Variants in AGBL4 observed in about 807,000 individuals in gnomAD.
AGBL4 encodes the protein cytosolic carboxypeptidase 6.
In AGBL4, 58 loss-of-function variants were observed where a neutral mutation model predicts 66.4. That is an observed-to-expected ratio of 0.87 (90% CI 0.71 to 1.09). AGBL4 has a LOEUF of 1.09. Ranked by LOEUF, AGBL4 falls within the 50% of genes least tolerant of loss-of-function variation. The pLI, the probability that AGBL4 is intolerant of heterozygous loss-of-function variation, is 0.00. For missense variants in AGBL4, 579 were observed against 631.0 expected, an observed-to-expected ratio of 0.92 and a Z score of 0.88; for synonymous variants, 234 against 222.9, an observed-to-expected ratio of 1.05 and a Z score of -0.44.
At chr1:49,523,762 G>C (rs1397600737) in intron 3 of AGBL4, among the ~76,000 whole-genome samples, 2 of 152,058 alleles carry the variant, frequency 1.3e-5, no homozygotes, top group Non-Finnish European at 2.9e-5. Flanking sequence ...CAACCACACA[G>C]TGTTACGCAC....
chr1:49,431,017 AATTT>A (rs1645774434), intron 3 of AGBL4, among the ~76,000 whole-genome samples: 1 of 152,176 alleles, frequency 6.6e-6, no homozygotes, highest in African/African-American at 2.4e-5. Flanking sequence ...AATATAACAT[AATTT>A]ATTTATCCGT....
At chr1:49,466,173 G>T (rs1223974766) in intron 3 of AGBL4, among the ~76,000 whole-genome samples, 1 of 151,840 alleles carries the variant, frequency 6.6e-6, no homozygotes, top group African/African-American at 2.4e-5. Flanking sequence ...TTCCTCACGG[G>T]TTTGGCCTTC....
chr1:49,488,208 C>T (rs553684608), intron 3 of AGBL4, among the ~76,000 whole-genome samples: 2 of 151,690 alleles, frequency 1.3e-5, no homozygotes, highest in South Asian at 2.1e-4. Flanking sequence ...GTATAATCAC[C>T]TCTCCCCAGA....
At chr1:48,572,920 G>C (rs1644591563) in intron 11 of AGBL4, among the ~76,000 whole-genome samples, 1 of 152,220 alleles carries the variant, frequency 6.6e-6, no homozygotes, top group African/African-American at 2.4e-5. Flanking sequence ...GAAGGAGCTG[G>C]AGAGAGTCCA....
At chr1:49,619,714 C>G in intron 3 of AGBL4, among the ~76,000 whole-genome samples, 1 of 152,102 alleles carries the variant, frequency 6.6e-6, no homozygotes, top group East Asian at 1.9e-4. Flanking sequence ...TACCTGACTT[C>G]AAACTATATT....
At chr1:49,290,992 A>G (rs1644522206) in intron 3 of AGBL4, among the ~76,000 whole-genome samples, 1 of 152,148 alleles carries the variant, frequency 6.6e-6, no homozygotes, top group Admixed American at 6.5e-5. Context: ...TGGGCAACAG[A>G]GCGAGGAAAA....
chr1:49,636,313 T>C (rs1003014657), intron 3 of AGBL4, among the ~76,000 whole-genome samples: 1 of 152,188 alleles, frequency 6.6e-6, no homozygotes, highest in Non-Finnish European at 1.5e-5. Flanking sequence ...TTTTGCTGTG[T>C]TCTTACATGG....
At chr1:49,840,487 G>A (rs1026417164) in intron 2 of AGBL4, among the ~76,000 whole-genome samples, 1 of 152,056 alleles carries the variant, frequency 6.6e-6, no homozygotes, top group East Asian at 1.9e-4. Context: ...CCAAAAAACT[G>A]AGAAGGAGGG....
At chr1:49,260,485 G>T (rs1409406132) in intron 3 of AGBL4, among the ~76,000 whole-genome samples, 1 of 151,916 alleles carries the variant, frequency 6.6e-6, no homozygotes, top group Admixed American at 6.6e-5. Context: ...TATCACCACC[G>T]ATCCCACAAA....
At chr1:49,064,492 C>G (rs185272212) in intron 4 of AGBL4, among the ~76,000 whole-genome samples, 2 of 152,306 alleles carry the variant, frequency 1.3e-5, no homozygotes, top group Non-Finnish European at 2.9e-5. Context: ...GGCTTATTCT[C>G]CCTGATACTA....
At chr1:49,088,978 T>G (rs1161619026) in intron 4 of AGBL4, among the ~76,000 whole-genome samples, 1 of 151,814 alleles carries the variant, frequency 6.6e-6, no homozygotes, top group East Asian at 1.9e-4. Context: ...ACATAAAAAT[T>G]AAACAACCTG....
In AGBL4 at chr1:48,663,253, A is replaced by C; in HGVS notation, c.635-12T>G. On this transcript the variant is annotated splice_polypyrimidine_tract_variant and intron_variant, in intron 6 of 13. Transcript: ENST00000371839. ...TTCCCGGAGATTGTCTGTAAGATAA[A>C]ATGAAAGATGGTTGCTAAGGAGGGC... 1.2e-6 allele frequency: 2 copies of C among 1,613,842 alleles called. No homozygotes were observed. Among genetic ancestry groups the C allele is most frequent in the Non-Finnish European group, 1.7e-6 (2 of 1,179,772 alleles).
chr1:48,551,084 T>C (rs1164062470), intron 11 of AGBL4, among the ~76,000 whole-genome samples: 1 of 152,218 alleles, frequency 6.6e-6, no homozygotes, highest in East Asian at 1.9e-4. Flanking sequence ...TGTCACTTCC[T>C]GACCTACAAC....
At chr1:49,393,418 T>G (rs1325573070) in intron 3 of AGBL4, among the ~76,000 whole-genome samples, 3 of 152,182 alleles carry the variant, frequency 2.0e-5, no homozygotes, top group Non-Finnish European at 4.4e-5. Context: ...TACTATATTG[T>G]TATGTCACCA....
intron 6 of AGBL4, among the ~76,000 whole-genome samples, chr1:48,678,610 A>G (rs1401234233): frequency 2.6e-5 from 4 of 152,220 alleles, no homozygotes; most frequent in Non-Finnish European, 4.4e-5. Context: ...GTTGAAGTGG[A>G]TGGAGAAGCC....
At chr1:49,203,306 G>A (rs567728409) in intron 4 of AGBL4, among the ~76,000 whole-genome samples, 2 of 152,150 alleles carry the variant, frequency 1.3e-5, no homozygotes, top group East Asian at 3.9e-4. Flanking sequence ...GGATCTCAAA[G>A]AAATATTTGT....
chr1:48,767,476 C>G (rs1389258796), intron 6 of AGBL4, among the ~76,000 whole-genome samples: 2 of 152,154 alleles, frequency 1.3e-5, no homozygotes, highest in African/African-American at 4.8e-5. Flanking sequence ...CAGTGGCAAG[C>G]AAGACGGATA....
At chr1:49,530,704 A>G (rs1371347505) in intron 3 of AGBL4, among the ~76,000 whole-genome samples, 1 of 152,052 alleles carries the variant, frequency 6.6e-6, no homozygotes, top group Non-Finnish European at 1.5e-5. Flanking sequence ...CTTGGGACTT[A>G]GGGATTTCAG....
intron 2 of AGBL4, among the ~76,000 whole-genome samples, chr1:49,729,566 T>G (rs974060374): frequency 8.5e-5 from 13 of 152,132 alleles, no homozygotes; most frequent in Non-Finnish European, 1.5e-4. Flanking sequence ...AAATCCTCAA[T>G]TATTTTCTTT....
Sources: allele counts gnomAD v4.1 joint callset (sites outside exome capture counted in the v4.1 genomes callset), GRCh38; gene constraint gnomAD v4.1.1; transcripts MANE v1.5; gene names NCBI Gene and HGNC (gene_info 2026-07-23, HGNC 2026-07-21).